SEC11C: variants seen among roughly 807,000 people sequenced by gnomAD.
SEC11C encodes the protein SEC11 homolog C, signal peptidase complex subunit.
A neutral mutation model predicts 21.9 loss-of-function variants in SEC11C; 10 were observed. The ratio of observed to expected loss-of-function variants is 0.46; its 90% CI spans 0.28 to 0.77. The LOEUF (loss-of-function observed/expected upper bound fraction) is 0.77, where lower values mean the gene tolerates loss of function less well. Among genes scored for constraint, SEC11C ranks in the 30% least tolerant of loss-of-function variants. The pLI is 0.12. For synonymous variants in SEC11C, 83 were observed against 85.6 expected, an observed-to-expected ratio of 0.97 and a Z score of 0.17; for missense variants, 145 against 244.5, an observed-to-expected ratio of 0.59 and a Z score of 2.71.
chr18:59,145,890 G>A (rs961141472), intron 1 of SEC11C, among the ~76,000 whole-genome samples: 2 of 152,196 alleles, frequency 1.3e-5, no homozygotes, highest in Non-Finnish European at 2.9e-5. Flanking sequence ...TGCTGCACAG[G>A]TTTCTAGCCT....
At chr18:59,153,946 A>G (rs2069389402) in intron 3 of SEC11C, among the ~76,000 whole-genome samples, 1 of 152,232 alleles carries the variant, frequency 6.6e-6, no homozygotes, top group African/African-American at 2.4e-5. Flanking sequence ...ACCTCAGGTG[A>G]TCCATCCGCC....
At chr18:59,158,525 T>C in intron 5 of SEC11C, 107 bp from the exon 6 acceptor site, 1 of 867,430 alleles carries the variant, frequency 1.2e-6, no homozygotes, top group Non-Finnish European at 1.9e-6. Flanking sequence ...AGGTAATCTT[T>C]TGATTCTGTC....
chr18:59,158,735 G>T lies in SEC11C; in HGVS notation c.*50G>T, dbSNP rs774204673. The stretch of plus-strand genomic sequence containing the variant: ...GATTGAAATGAATTCTGTTGAAAAA[G>T]AGAAAAACTAATATATTTGAGATGT... On this transcript the variant is annotated 3_prime_UTR_variant, in exon 6 of 6. Coordinates refer to ENST00000587834, the MANE Select transcript of SEC11C (RefSeq NM_033280.4). 7.0e-6 allele frequency: 10 copies of T among 1,436,324 alleles called. No individual in the cohort carries two copies. The South Asian group carries it at 1.0e-4, about 15-fold the overall frequency. 89.0% of individuals were successfully genotyped at this position (1,436,324 alleles called of 1,614,324 possible). A position where few individuals can be genotyped will look rare whatever the true frequency, so the allele number is the denominator to read the frequency against.
chr18:59,152,762 A>G lies in SEC11C; in HGVS notation c.347+77A>G, dbSNP rs1054247399. The G allele has an allele frequency of 3.9e-6, 5 of 1,280,134 alleles. No individual in the cohort carries two copies. The African/African-American group carries it at 6.0e-5, about 15-fold the overall frequency. The allele number at this position is 1,280,134 out of a possible 1,614,324, so 79.3% of individuals were successfully genotyped here. A position where few individuals can be genotyped will look rare whatever the true frequency, so the allele number is the denominator to read the frequency against. On this transcript the variant is annotated intron_variant, in intron 3 of 5. Coordinates refer to ENST00000587834, the MANE Select transcript of SEC11C (RefSeq NM_033280.4). ...TCATGGCTAATTAGAAACTAGTAAAAGCACTGGATTATGTTCTGAGTTCTG... is the reference window on the plus strand; with the variant it reads ...TCATGGCTAATTAGAAACTAGTAAAGGCACTGGATTATGTTCTGAGTTCTG...
intron 1 of SEC11C, among the ~76,000 whole-genome samples, chr18:59,149,178 G>A: frequency 6.6e-6 from 1 of 152,234 alleles, no homozygotes; most frequent in Non-Finnish European, 1.5e-5. Context: ...TGCATCGGGA[G>A]GCTCTGGTGG....
At chr18:59,151,802 C>T (rs997957372) in intron 2 of SEC11C, among the ~76,000 whole-genome samples, 2 of 152,182 alleles carry the variant, frequency 1.3e-5, no homozygotes, top group Admixed American at 6.5e-5. Context: ...CTTATTTTCT[C>T]ACGTATTAAA....
chr18:59,143,861 T>TTTTTTCTTTTC (rs2069240328), intron 1 of SEC11C, among the ~76,000 whole-genome samples: 3 of 49,654 alleles, frequency 6.0e-5, no homozygotes, highest in Non-Finnish European at 1.1e-4. Context: ...TTTTCTTTTT[T>TTTTTTCTTTTC]TTTTTTTTGA....
At chr18:59,140,595 G>T (rs923219156) in intron 1 of SEC11C, among the ~76,000 whole-genome samples, 2 of 152,226 alleles carry the variant, frequency 1.3e-5, no homozygotes, top group Non-Finnish European at 2.9e-5. Flanking sequence ...CTCACAAGCT[G>T]TGCGCAATCA....
rs770831317 is a variant in SEC11C at position 59,152,523 on chromosome 18, T to C, written c.198-13T>C. 1 of 1,591,610 alleles carries C rather than the reference T, an allele frequency of 6.3e-7. No individual in the cohort carries two copies. The highest frequency in any genetic ancestry group is 8.5e-7 in the Non-Finnish European group (1 of 1,172,542). Reference sequence around the variant, plus strand: ...CAGGGTAATGCTGATACTGACTTTGTGCTTCTTTCCAGTGGCAGTATGGAG... The same window carrying C: ...CAGGGTAATGCTGATACTGACTTTGCGCTTCTTTCCAGTGGCAGTATGGAG... On this transcript the variant is annotated splice_polypyrimidine_tract_variant and intron_variant, in intron 2 of 5. Coordinates refer to ENST00000587834, the MANE Select transcript of SEC11C (RefSeq NM_033280.4).
intron 3 of SEC11C, chr18:59,153,414 A>T (rs1289127291): frequency 2.0e-5 from 3 of 152,196 alleles, no homozygotes; most frequent in African/African-American, 4.8e-5. Flanking sequence ...TGTGTGAGTC[A>T]TAGAATTAAA....
chr18:59,153,476 A>ATGTGTG (rs60825048), intron 3 of SEC11C: 1 of 151,508 alleles, frequency 6.6e-6, no homozygotes, highest in African/African-American at 2.4e-5. Flanking sequence ...CTCACTGTGT[A>ATGTGTG]TGTGTGTGTG....
At chr18:59,146,292 A>C (rs1445007652) in intron 1 of SEC11C, among the ~76,000 whole-genome samples, 1 of 152,220 alleles carries the variant, frequency 6.6e-6, no homozygotes. Context: ...TGAGAGAAGG[A>C]TCCCTAATAC....
chr18:59,147,053 G>A (rs1225522009), intron 1 of SEC11C: 4 of 152,170 alleles, frequency 2.6e-5, no homozygotes, highest in Middle Eastern at 3.2e-3. Context: ...CCTAGTGCAC[G>A]CTGATGCTTG....
At chr18:59,148,490 G>A (rs1239919867) in intron 1 of SEC11C, among the ~76,000 whole-genome samples, 1 of 152,242 alleles carries the variant, frequency 6.6e-6, no homozygotes, top group Non-Finnish European at 1.5e-5. Flanking sequence ...CATGCTGCAG[G>A]GAGCGAGGCA....
At chr18:59,145,944 G>A (rs1326854834) in intron 1 of SEC11C, among the ~76,000 whole-genome samples, 2 of 152,202 alleles carry the variant, frequency 1.3e-5, no homozygotes, top group East Asian at 3.8e-4. Context: ...TATAGTAAGC[G>A]ACACCATCTG....
chr18:59,152,422 C>T lies in SEC11C; in HGVS notation c.198-114C>T, dbSNP rs148652580. 3,568 of 1,157,874 alleles carry T rather than the reference C, an allele frequency of 3.1e-3. 9 individuals carry two copies. The highest frequency in any genetic ancestry group is 3.7e-3 in the Non-Finnish European group (3,111 of 842,356). The allele number at this position is 1,157,874 out of a possible 1,614,324, so 71.7% of individuals were successfully genotyped here. ...AGTTAAGAAGGAAGCCACATTGGCTCGTTTTATAGCTCCTGAGACCTACTT... is the reference window on the plus strand; with the variant it reads ...AGTTAAGAAGGAAGCCACATTGGCTTGTTTTATAGCTCCTGAGACCTACTT... On this transcript the variant is annotated intron_variant, in intron 2 of 5. Coordinates refer to ENST00000587834, the MANE Select transcript of SEC11C (RefSeq NM_033280.4).
At position 59,158,767 on chromosome 18, in the gene SEC11C, TTCTG is replaced by T; in HGVS notation, c.*84_*87del. Reference sequence around the variant, plus strand: ...ACTAATATATTTGAGATGTTCCATTTTCTGTATAAAAGGGAACAGTGTGGAGATG... The same window carrying T: ...ACTAATATATTTGAGATGTTCCATTTTATAAAAGGGAACAGTGTGGAGATG... On this transcript the variant is annotated 3_prime_UTR_variant, in exon 6 of 6. Transcript: ENST00000587834. The T allele has an allele frequency of 8.2e-6, 10 of 1,213,994 alleles. No homozygotes were observed. The highest frequency in any genetic ancestry group is 1.2e-5 in the Non-Finnish European group (10 of 822,374). The allele number at this position is 1,213,994 out of a possible 1,614,324, so 75.2% of individuals were successfully genotyped here.
At position 59,149,564 on chromosome 18, in the gene SEC11C, A is replaced by G; in HGVS notation, c.139A>G (p.Ile47Val). The G allele has an allele frequency of 1.2e-6, 2 of 1,613,294 alleles. No homozygotes were observed. The highest frequency in any genetic ancestry group is 1.7e-6 in the Non-Finnish European group (2 of 1,179,342). Residue 47 changes from isoleucine (I) to valine (V), a missense_variant, in exon 2 of 6, where the codon ATA (isoleucine) becomes GTA (valine). Physicochemically the swap from Ile to Val is conservative, Grantham distance 29. Transcript: ENST00000587834. ...CATGATCGTGTCTTCTGCACTCATGATATGGAAAGGCTTGATCGTGCTCAC... is the reference window on the plus strand; with the variant it reads ...CATGATCGTGTCTTCTGCACTCATGGTATGGAAAGGCTTGATCGTGCTCAC... ...FAMIVSSALM[I>V]WKGLIVLTGS... is the part of the protein sequence containing the mutation.
intron 2 of SEC11C, among the ~76,000 whole-genome samples, chr18:59,150,446 G>A (rs1040937097): frequency 9.2e-5 from 14 of 152,208 alleles, no homozygotes; most frequent in Non-Finnish European, 1.8e-4. Context: ...TCACCAGGCC[G>A]CCCTCATGTG....
Sources: allele counts gnomAD v4.1 joint callset (sites outside exome capture counted in the v4.1 genomes callset), GRCh38; gene constraint gnomAD v4.1.1; transcripts MANE v1.5; gene names NCBI Gene and HGNC (gene_info 2026-07-23, HGNC 2026-07-21).